Variants in RAD52 observed in about 807,000 individuals in gnomAD.
RAD52 encodes RAD52 DNA repair protein.
Under a neutral mutation model 55.5 loss-of-function variants are expected in RAD52, and 47 were observed. That is an observed-to-expected ratio of 0.85 (90% CI 0.67 to 1.08). The LOEUF (loss-of-function observed/expected upper bound fraction) is 1.08, where lower values mean the gene tolerates loss of function less well. Ranked by LOEUF, RAD52 falls within the 50% of genes least tolerant of loss-of-function variation. The probability of loss-of-function intolerance (pLI) is 0.00; values close to 1 mark genes in which losing one functional copy is unlikely to be tolerated. For missense variants in RAD52, 468 were observed against 522.8 expected, an observed-to-expected ratio of 0.90 and a Z score of 1.02; for synonymous variants, 184 against 198.9, an observed-to-expected ratio of 0.92 and a Z score of 0.63.
chr12:927,339 C>G, intron 5 of RAD52, 76 bp from the exon 6 acceptor site: 1 of 1,117,570 alleles, frequency 8.9e-7, no homozygotes, highest in Non-Finnish European at 1.4e-6. Flanking sequence ...CCTCAAGCAG[C>G]AGGGTTCAAA....
At chr12:945,171 T>C (rs1958143625) in intron 1 of RAD52, among the ~76,000 whole-genome samples, 1 of 151,922 alleles carries the variant, frequency 6.6e-6, no homozygotes, top group Non-Finnish European at 1.5e-5. Context: ...GCTAACATGA[T>C]GAAACCTCTT....
intron 1 of RAD52, among the ~76,000 whole-genome samples, chr12:943,928 G>A (rs1000285652): frequency 6.6e-6 from 1 of 151,962 alleles, no homozygotes; most frequent in Admixed American, 6.6e-5. Context: ...AGGTCTGGGC[G>A]GGGCCCGCTG....
intron 1 of RAD52, among the ~76,000 whole-genome samples, chr12:940,337 G>A (rs1042562540): frequency 9.2e-5 from 14 of 151,756 alleles, no homozygotes; most frequent in African/African-American, 3.1e-4. Flanking sequence ...GGTGGCTCAC[G>A]CCTGTAATCC....
chr12:914,163 A>C, intron 10 of RAD52, 42 bp from the exon 11 acceptor site: 1 of 1,554,190 alleles, frequency 6.4e-7, no homozygotes, highest in South Asian at 1.1e-5. Context: ...CAAATAATGA[A>C]GTATTCTCAC....
chr12:978,972 A>ACTT (rs1417571216), intron 1 of RAD52, among the ~76,000 whole-genome samples: 2 of 152,044 alleles, frequency 1.3e-5, no homozygotes, highest in African/African-American at 4.8e-5. Flanking sequence ...AAAATGTAAA[A>ACTT]CTTTAAAAAA....
In RAD52 at chr12:911,769, A is replaced by G. The variant is rs1399511387; in HGVS notation, c.*1622T>C. 6.6e-6 allele frequency among the ~76,000 whole-genome samples: 1 copy of G among 152,164 alleles called. No homozygotes were observed. The highest frequency in any genetic ancestry group is 1.5e-5 in the Non-Finnish European group (1 of 68,032). ...AATGGCTCATGCCTATAATTCTAGT[A>G]CTTTTTACTTTGGGAGGCCGAGGTG... On this transcript the variant is annotated 3_prime_UTR_variant, in exon 12 of 12. Transcript: ENST00000358495.
At chr12:947,779 C>T (rs1257585604) in intron 1 of RAD52, among the ~76,000 whole-genome samples, 2 of 150,764 alleles carry the variant, frequency 1.3e-5, no homozygotes, top group Non-Finnish European at 2.9e-5. Flanking sequence ...GCCCAGTTAC[C>T]GAGGAGGCTG....
intron 1 of RAD52, among the ~76,000 whole-genome samples, chr12:980,167 G>A (rs1233249187): frequency 6.6e-6 from 1 of 151,954 alleles, no homozygotes; most frequent in African/African-American, 2.4e-5. Context: ...TCCAGCCTGG[G>A]CGACAGAGTG....
At chr12:982,185 C>T (rs943882757) in intron 1 of RAD52, among the ~76,000 whole-genome samples, 3 of 127,218 alleles carry the variant, frequency 2.4e-5, no homozygotes, top group African/African-American at 8.0e-5. Context: ...AGAATTACGA[C>T]AGCCTTCTTT....
intron 1 of RAD52, among the ~76,000 whole-genome samples, chr12:948,417 A>G (rs1028592945): frequency 2.6e-5 from 4 of 152,196 alleles, no homozygotes; most frequent in Admixed American, 2.0e-4. Flanking sequence ...GGGTGAATTT[A>G]GACTGGGTGT....
chr12:920,658 T>C (rs1232813499), intron 7 of RAD52, among the ~76,000 whole-genome samples: 2 of 151,866 alleles, frequency 1.3e-5, no homozygotes, highest in South Asian at 4.2e-4. Context: ...AAGCAAACTT[T>C]GAGAGGATTG....
chr12:941,546 G>A (rs996113880), intron 1 of RAD52, among the ~76,000 whole-genome samples: 5 of 152,048 alleles, frequency 3.3e-5, no homozygotes, highest in African/African-American at 1.2e-4. Context: ...TCAAACTCCT[G>A]ACCTCAGGTG....
chr12:985,489 G>C (rs538913462), intron 1 of RAD52, among the ~76,000 whole-genome samples: 1 of 152,094 alleles, frequency 6.6e-6, no homozygotes, highest in Non-Finnish European at 1.5e-5. Flanking sequence ...TCACAGCTAA[G>C]AAACTATTGC....
In RAD52 at chr12:916,237, G is replaced by C. The variant is rs914816310; in HGVS notation, c.865+107C>G. 7 of 1,520,010 alleles carry C rather than the reference G, an allele frequency of 4.6e-6. No individual in the cohort carries two copies. The African/African-American group carries it at 9.8e-5, about 21-fold the overall frequency. The allele number at this position is 1,520,010 out of a possible 1,614,324, so 94.2% of individuals were successfully genotyped here. A position where few individuals can be genotyped will look rare whatever the true frequency, so the allele number is the denominator to read the frequency against. ...GTAGCTTGAGAGAAGTCCCAGCGAG[G>C]CCTGGTTTGGAGCCGGCCCAGGGTT... On this transcript the variant is annotated intron_variant, in intron 9 of 11. Transcript: ENST00000358495.
intron 1 of RAD52, among the ~76,000 whole-genome samples, chr12:958,845 G>A (rs1012819561): frequency 6.6e-6 from 1 of 152,102 alleles, no homozygotes; most frequent in Non-Finnish European, 1.5e-5. Flanking sequence ...AGGAGGTTGG[G>A]GGCATTTTCC....
intron 1 of RAD52, among the ~76,000 whole-genome samples, chr12:941,969 G>A (rs1326756744): frequency 6.6e-6 from 1 of 152,054 alleles, no homozygotes; most frequent in Non-Finnish European, 1.5e-5. Context: ...TAAATAAGAA[G>A]GAAAATGCAC....
At chr12:928,759 A>G (rs1304066705) in intron 5 of RAD52, among the ~76,000 whole-genome samples, 2 of 152,146 alleles carry the variant, frequency 1.3e-5, no homozygotes, top group African/African-American at 4.8e-5. Context: ...GTGTGTTAAC[A>G]GTAGCTATAA....
Position 912,751 on chromosome 12 carries a change from A to AAAAAAAAG in RAD52, c.*639_*640insCTTTTTTT, listed in dbSNP as rs1956166308. On this transcript the variant is annotated 3_prime_UTR_variant, in exon 12 of 12. Coordinates refer to ENST00000358495, the MANE Select transcript of RAD52 (RefSeq NM_134424.4). ...AAAAAAAAAAAAAAAAAAAACAAAA[A>AAAAAAAAG]ACAGCCTTTTTTCGTGGTCTTAGAT... 1 of 170,330 alleles carries AAAAAAAAG rather than the reference A, an allele frequency of 5.9e-6. No individual in the cohort carries two copies. Among genetic ancestry groups the AAAAAAAAG allele is most frequent in the Non-Finnish European group, 1.2e-5 (1 of 80,198 alleles). 10.6% of individuals were successfully genotyped at this position (170,330 alleles called of 1,614,324 possible). A position where few individuals can be genotyped will look rare whatever the true frequency, so the allele number is the denominator to read the frequency against.
intron 1 of RAD52, among the ~76,000 whole-genome samples, chr12:944,098 C>T (rs1386290681): frequency 6.6e-6 from 1 of 152,028 alleles, no homozygotes; most frequent in African/African-American, 2.4e-5. Context: ...TTCCCGTAGT[C>T]CTAGCTACTC....
Sources: allele counts gnomAD v4.1 joint callset (sites outside exome capture counted in the v4.1 genomes callset), GRCh38; gene constraint gnomAD v4.1.1; transcripts MANE v1.5; gene names NCBI Gene and HGNC (gene_info 2026-07-23, HGNC 2026-07-21).